FHIT: variants seen among roughly 807,000 people sequenced by gnomAD.
The protein encoded by FHIT is bis(5'-adenosyl)-triphosphatase.
In FHIT, 19 loss-of-function variants were observed where a neutral mutation model predicts 17.9. The ratio of observed to expected loss-of-function variants is 1.06; its 90% CI spans 0.74 to 1.56. The LOEUF (loss-of-function observed/expected upper bound fraction) is 1.56. FHIT is among the 40% of genes most tolerant of loss of function. FHIT has a pLI of 0.00. For synonymous variants in FHIT, 81 were observed against 69.7 expected, an observed-to-expected ratio of 1.16 and a Z score of -0.81; for missense variants, 248 against 189.2, an observed-to-expected ratio of 1.31 and a Z score of -1.82.
At chr3:60,079,674 T>C (rs1220198506) in intron 5 of FHIT, among the ~76,000 whole-genome samples, 1 of 152,076 alleles carries the variant, frequency 6.6e-6, no homozygotes, top group Non-Finnish European at 1.5e-5. Flanking sequence ...ACAAAGAAGA[T>C]ACGTGGGAAG....
intron 5 of FHIT, among the ~76,000 whole-genome samples, chr3:60,325,663 C>T (rs993235267): frequency 7.9e-5 from 12 of 152,124 alleles, no homozygotes; most frequent in Admixed American, 6.5e-4. Context: ...TAAATTTCTA[C>T]AGTACAAGAC....
At chr3:59,816,325 T>C (rs1015255510) in intron 8 of FHIT, among the ~76,000 whole-genome samples, 15 of 152,360 alleles carry the variant, frequency 9.8e-5, no homozygotes, top group African/African-American at 3.6e-4. Flanking sequence ...AATATGATTT[T>C]TGCCAATTAG....
At chr3:60,462,607 G>A (rs2032543723) in intron 5 of FHIT, among the ~76,000 whole-genome samples, 1 of 152,168 alleles carries the variant, frequency 6.6e-6, no homozygotes, top group Non-Finnish European at 1.5e-5. Context: ...CGAGGTAGGA[G>A]CAAAAGCAAG....
intron 5 of FHIT, among the ~76,000 whole-genome samples, chr3:60,361,406 T>C (rs1699901352): frequency 6.6e-6 from 1 of 152,126 alleles, no homozygotes; most frequent in African/African-American, 2.4e-5. Flanking sequence ...AAAAAAATCC[T>C]GTGTTTTATA....
At chr3:59,818,098 A>C (rs1336241307) in intron 8 of FHIT, among the ~76,000 whole-genome samples, 1 of 121,504 alleles carries the variant, frequency 8.2e-6, no homozygotes, top group South Asian at 2.7e-4. Context: ...AAGAGCTTAT[A>C]GGAATTCTAA....
At chr3:59,962,501 T>C (rs1707733605) in intron 7 of FHIT, among the ~76,000 whole-genome samples, 1 of 152,160 alleles carries the variant, frequency 6.6e-6, no homozygotes, top group Non-Finnish European at 1.5e-5. Flanking sequence ...AAATATGTCA[T>C]TTGTGTAGTT....
intron 1 of FHIT, among the ~76,000 whole-genome samples, chr3:61,248,504 C>T (rs1035735928): frequency 2.0e-5 from 3 of 152,128 alleles, no homozygotes; most frequent in Non-Finnish European, 4.4e-5. Context: ...AAATGAAAGT[C>T]ACAACTTGAT....
In FHIT at chr3:59,800,110, C is replaced by T. The variant is rs979187402; in HGVS notation, c.349-47789G>A. 3.9e-5 allele frequency among the ~76,000 whole-genome samples: 6 copies of T among 152,306 alleles called. No individual in the cohort carries two copies. In the South Asian group the frequency reaches 1.2e-3, roughly 32 times the overall value. ...TCTTTTCTGTTACTTCGACAATTGC[C>T]AAGAAGTGTAACTGTGCTTGCTCGG... On this transcript the variant is annotated intron_variant, in intron 8 of 9. Transcript: ENST00000492590.
intron 4 of FHIT, among the ~76,000 whole-genome samples, chr3:60,644,003 T>C (rs1232570910): frequency 6.6e-6 from 1 of 152,202 alleles, no homozygotes; most frequent in Non-Finnish European, 1.5e-5. Context: ...CTGTGAAATT[T>C]ACAACATACA....
At chr3:61,241,898 C>A (rs1459215063) in intron 1 of FHIT, among the ~76,000 whole-genome samples, 1 of 152,160 alleles carries the variant, frequency 6.6e-6, no homozygotes, top group Non-Finnish European at 1.5e-5. Context: ...TGATTTTTAA[C>A]TGCAGTTAAC....
intron 4 of FHIT, among the ~76,000 whole-genome samples, chr3:60,819,985 T>C (rs1701871047): frequency 6.6e-6 from 1 of 152,136 alleles, no homozygotes; most frequent in Admixed American, 6.6e-5. Context: ...AGAAACAATA[T>C]ATTTTATATT....
At chr3:60,715,015 T>G (rs1427755548) in intron 4 of FHIT, among the ~76,000 whole-genome samples, 2 of 152,072 alleles carry the variant, frequency 1.3e-5, no homozygotes, top group Non-Finnish European at 1.5e-5. Context: ...GGAGGCATCA[T>G]GCTACCTGAC....
intron 5 of FHIT, among the ~76,000 whole-genome samples, chr3:60,509,962 G>T (rs776280684): frequency 3.3e-5 from 5 of 152,162 alleles, no homozygotes; most frequent in Admixed American, 1.3e-4. Flanking sequence ...AGATTCCAAT[G>T]AGTGATACAA....
intron 5 of FHIT, among the ~76,000 whole-genome samples, chr3:60,337,548 A>G (rs1710303278): frequency 6.6e-6 from 1 of 152,212 alleles, no homozygotes; most frequent in Non-Finnish European, 1.5e-5. Flanking sequence ...GACACATACA[A>G]ATAAGCATAA....
At chr3:60,421,967 G>C (rs1559900286) in intron 5 of FHIT, among the ~76,000 whole-genome samples, 1 of 152,126 alleles carries the variant, frequency 6.6e-6, no homozygotes, top group Non-Finnish European at 1.5e-5. Flanking sequence ...AGAGGCAAAG[G>C]TAAAAGATTA....
chr3:59,847,942 T>C (rs1474118251), intron 8 of FHIT, among the ~76,000 whole-genome samples: 2 of 152,094 alleles, frequency 1.3e-5, no homozygotes, highest in South Asian at 2.1e-4. Context: ...AGAAGAAAAA[T>C]TAAGGGAAGC....
chr3:60,465,501 T>C (rs2032735281), intron 5 of FHIT, among the ~76,000 whole-genome samples: 1 of 152,140 alleles, frequency 6.6e-6, no homozygotes. Context: ...AGTGTCTTCT[T>C]GTAGAAGTTT....
chr3:59,837,390 G>T (rs1002565355), intron 8 of FHIT, among the ~76,000 whole-genome samples: 5 of 152,070 alleles, frequency 3.3e-5, no homozygotes, highest in Non-Finnish European at 7.4e-5. Flanking sequence ...CAATATAAAT[G>T]CTACGTAAAT....
intron 7 of FHIT, among the ~76,000 whole-genome samples, chr3:59,924,407 A>G (rs1006048165): frequency 1.3e-5 from 2 of 152,160 alleles, no homozygotes; most frequent in Non-Finnish European, 2.9e-5. Flanking sequence ...ACTTCCTAAC[A>G]CAAATCCTGG....
Sources: allele counts gnomAD v4.1 joint callset (sites outside exome capture counted in the v4.1 genomes callset), GRCh38; gene constraint gnomAD v4.1.1; transcripts MANE v1.5; gene names NCBI Gene and HGNC (gene_info 2026-07-23, HGNC 2026-07-21).